Variants in EBF1 observed in about 807,000 individuals in gnomAD.
The protein encoded by EBF1 is EBF transcription factor 1, also known as transcription factor COE1.
Under a neutral mutation model 68.4 loss-of-function variants are expected in EBF1, and 10 were observed. The ratio of observed to expected loss-of-function variants is 0.15; its 90% CI spans 0.09 to 0.25. The LOEUF (loss-of-function observed/expected upper bound fraction) is 0.25, where lower values mean the gene tolerates loss of function less well. Ranked by LOEUF, EBF1 falls within the 10% of genes least tolerant of loss-of-function variation. The pLI, the probability that EBF1 is intolerant of heterozygous loss-of-function variation, is 1.00. For missense variants in EBF1, 509 were observed against 794.4 expected, an observed-to-expected ratio of 0.64 and a Z score of 4.32; for synonymous variants, 298 against 299.8, an observed-to-expected ratio of 0.99 and a Z score of 0.06.
intron 11 of EBF1, among the ~76,000 whole-genome samples, chr5:158,715,084 C>T (rs1005261571): frequency 3.9e-5 from 6 of 152,132 alleles, no homozygotes; most frequent in Admixed American, 2.6e-4. Flanking sequence ...TTCATTTCCA[C>T]TAGAATGTGA....
At chr5:159,000,903 G>T (rs1762404091) in intron 6 of EBF1, among the ~76,000 whole-genome samples, 1 of 152,216 alleles carries the variant, frequency 6.6e-6, no homozygotes, top group Middle Eastern at 3.4e-3. Context: ...ATTGTTTCAG[G>T]TATCACACAA....
intron 6 of EBF1, among the ~76,000 whole-genome samples, chr5:158,942,014 A>C (rs1348384754): frequency 3.3e-5 from 5 of 152,272 alleles, no homozygotes; most frequent in Non-Finnish European, 5.9e-5. Flanking sequence ...TATTAGAGAA[A>C]GATGCATTTT....
chr5:158,938,803 T>C (rs1256225957), intron 6 of EBF1, among the ~76,000 whole-genome samples: 1 of 152,188 alleles, frequency 6.6e-6, no homozygotes, highest in Non-Finnish European at 1.5e-5. Context: ...CTCCTAATAA[T>C]ATCACATCGG....
chr5:159,073,334 C>G, intron 6 of EBF1, 62 bp downstream of exon 6: 2 of 1,567,714 alleles, frequency 1.3e-6, no homozygotes, highest in Non-Finnish European at 1.8e-6. Context: ...ATGAGCAACA[C>G]AAGGGCAGGT....
intron 1 of EBF1, among the ~76,000 whole-genome samples, chr5:159,098,695 A>T (rs1783089987): frequency 6.6e-6 from 1 of 151,464 alleles, no homozygotes. Context: ...AGAAGAAAGA[A>T]AAGAAGGCAG....
At chr5:158,916,645 G>A (rs533496328) in intron 6 of EBF1, among the ~76,000 whole-genome samples, 3 of 152,132 alleles carry the variant, frequency 2.0e-5, no homozygotes, top group Non-Finnish European at 4.4e-5. Context: ...TTGAACCCAG[G>A]TCTCTCTATC....
At chr5:158,700,053 T>C (rs1461536532) in intron 15 of EBF1, among the ~76,000 whole-genome samples, 1 of 152,226 alleles carries the variant, frequency 6.6e-6, no homozygotes, top group Non-Finnish European at 1.5e-5. Flanking sequence ...GTGAATAAAA[T>C]GACACATGCA....
intron 6 of EBF1, among the ~76,000 whole-genome samples, chr5:158,909,041 T>G (rs758770284): frequency 3.3e-5 from 5 of 151,576 alleles, no homozygotes; most frequent in Non-Finnish European, 5.9e-5. Flanking sequence ...ACACAAGCTG[T>G]GACCCCCGGG....
At chr5:158,863,146 G>A (rs1795252138) in intron 6 of EBF1, among the ~76,000 whole-genome samples, 1 of 152,038 alleles carries the variant, frequency 6.6e-6, no homozygotes, top group Non-Finnish European at 1.5e-5. Flanking sequence ...TTATGGTTTG[G>A]AACTCTAACT....
chr5:159,040,370 T>C (rs531814825), intron 6 of EBF1, among the ~76,000 whole-genome samples: 5 of 152,204 alleles, frequency 3.3e-5, no homozygotes, highest in Non-Finnish European at 7.4e-5. Flanking sequence ...ACCACCAAAA[T>C]GGCTATGATC....
intron 11 of EBF1, among the ~76,000 whole-genome samples, chr5:158,719,414 C>T (rs888771699): frequency 2.0e-5 from 3 of 152,140 alleles, no homozygotes; most frequent in African/African-American, 7.2e-5. Context: ...TAGAAAGACA[C>T]ATTGGGAACC....
At chr5:158,984,303 A>G (rs996964253) in intron 6 of EBF1, among the ~76,000 whole-genome samples, 2 of 152,154 alleles carry the variant, frequency 1.3e-5, no homozygotes, top group African/African-American at 4.8e-5. Context: ...TTCTAACTCT[A>G]TTCTCTAAGT....
chr5:158,969,305 C>A (rs1048472261), intron 6 of EBF1, among the ~76,000 whole-genome samples: 1 of 152,100 alleles, frequency 6.6e-6, no homozygotes, highest in Non-Finnish European at 1.5e-5. Context: ...TCGGTCCCCC[C>A]AACCCAAAAG....
chr5:159,073,628 C>G lies in EBF1; in HGVS notation c.486-164G>C, dbSNP rs1374610676. ...GGACAGATAATTCTATTTGGGTCAC[C>G]TATGGGTTAATGGCCAGGCTTAACC... On this transcript the variant is annotated intron_variant, in intron 5 of 15. Coordinates refer to ENST00000313708, the MANE Select transcript of EBF1 (RefSeq NM_024007.5). 15 of 706,798 alleles carry G rather than the reference C, an allele frequency of 2.1e-5. No homozygotes were observed. In the Admixed American group the frequency reaches 3.3e-4, roughly 15 times the overall value. 43.8% of individuals were successfully genotyped at this position (706,798 alleles called of 1,614,324 possible). A position where few individuals can be genotyped will look rare whatever the true frequency, so the allele number is the denominator to read the frequency against.
chr5:158,752,854 A>G (rs1769228247), intron 10 of EBF1, among the ~76,000 whole-genome samples: 1 of 152,086 alleles, frequency 6.6e-6, no homozygotes, highest in South Asian at 2.1e-4. Flanking sequence ...ATAGATGACC[A>G]GATTGTAACT....
At chr5:159,004,255 G>A (rs1763113733) in intron 6 of EBF1, among the ~76,000 whole-genome samples, 1 of 142,246 alleles carries the variant, frequency 7.0e-6, no homozygotes, top group Admixed American at 7.3e-5. Context: ...CCGCCTGGGT[G>A]ACAAGAGCGA....
At position 159,095,675 on chromosome 5, in the gene EBF1, C is replaced by T. The variant is rs1242101869; in HGVS notation, c.356G>A (p.Gly119Glu). The change falls in exon 4 of 16, where the codon GGG becomes GAG. Residue 119 changes from glycine to glutamate, a missense_variant and splice_region_variant. This residue lies in a region of EBF1 where 230 missense variants were observed against 467.7 expected (regional missense o/e 0.49). Coordinates refer to ENST00000313708, the MANE Select transcript of EBF1 (RefSeq NM_024007.5). ...GTAGAAATCCTGCTCCGTCCTTATCCCTAGGGTTGGAAATGGGGGAAGGGA... is the reference window on the plus strand; with the variant it reads ...GTAGAAATCCTGCTCCGTCCTTATCTCTAGGGTTGGAAATGGGGGAAGGGA... Reference protein sequence around the residue: ...HYRLQLLYSNGIRTEQDFYVR... With the variant: ...HYRLQLLYSNEIRTEQDFYVR... The T allele has an allele frequency of 6.2e-7, 1 of 1,613,910 alleles. No homozygotes were observed. Among genetic ancestry groups the T allele is most frequent in the Non-Finnish European group, 8.5e-7 (1 of 1,179,966 alleles).
chr5:158,828,951 T>C (rs1286727649), intron 7 of EBF1, among the ~76,000 whole-genome samples: 1 of 152,164 alleles, frequency 6.6e-6, no homozygotes, highest in East Asian at 1.9e-4. Flanking sequence ...CTATATACTG[T>C]ATGATTCCAA....
rs375816769 is a variant in EBF1, at chr5:158,808,295, C to T, written c.779-11820G>A. ...CTGTCTGGACATCAAAGAGCAAATA[C>T]TCGCACTTGCCTGTTTGTGATTCAT... is the stretch of plus-strand genomic sequence containing the variant. On this transcript the variant is annotated intron_variant, in intron 8 of 15. Coordinates refer to ENST00000313708, the MANE Select transcript of EBF1 (RefSeq NM_024007.5). Among the ~76,000 whole-genome samples the T allele has an allele frequency of 5.3e-5, 8 of 152,294 alleles. No homozygotes were observed. In the East Asian group the frequency reaches 1.5e-3, roughly 29 times the overall value.
Sources: gnomAD v4.1 joint callset for allele counts (sites outside exome capture counted in the v4.1 genomes callset) on GRCh38, gnomAD v4.1.1 for gene constraint, gnomAD v4.1.1 regional missense constraint, MANE v1.5 for transcripts, NCBI Gene and HGNC (gene_info 2026-07-23, HGNC 2026-07-21) for gene names.